The following CDYL variants were observed in gnomAD, a reference collection of about 807,000 sequenced individuals.
The protein encoded by CDYL is chromodomain Y-like protein.
CDYL carries 8 observed loss-of-function variants against 47.3 expected under a neutral mutation model. The ratio of observed to expected loss-of-function variants is 0.17; its 90% CI spans 0.10 to 0.31. The LOEUF is 0.31. Ranked by LOEUF, CDYL falls within the 10% of genes least tolerant of loss-of-function variation. CDYL has a pLI of 1.00. For missense variants in CDYL, 471 were observed against 701.4 expected (o/e 0.67, Z 3.71); for synonymous variants, 266 against 265.0 (o/e 1.00, Z -0.04).
At chr6:4,730,525 T>C (rs372079498) in intron 2 of CDYL, among the ~76,000 whole-genome samples, 1 of 151,748 alleles carries the variant, frequency 6.6e-6, no homozygotes, top group African/African-American at 2.4e-5. Flanking sequence ...AAATACAAAA[T>C]TAGCCTGGCG....
intron 2 of CDYL, among the ~76,000 whole-genome samples, chr6:4,910,947 C>G (rs925991866): frequency 6.6e-6 from 1 of 152,134 alleles, no homozygotes; most frequent in Non-Finnish European, 1.5e-5. Context: ...CATTCTCCTG[C>G]CTCAGCCTCC....
intron 2 of CDYL, among the ~76,000 whole-genome samples, chr6:4,894,916 T>C (rs1762163704): frequency 6.8e-6 from 1 of 147,664 alleles, no homozygotes; most frequent in African/African-American, 2.6e-5. Flanking sequence ...CGTGTGTATA[T>C]ATACACATAT....
intron 1 of CDYL, among the ~76,000 whole-genome samples, chr6:4,715,527 C>T (rs1757240309): frequency 6.6e-6 from 1 of 152,202 alleles, no homozygotes; most frequent in Non-Finnish European, 1.5e-5. Flanking sequence ...AGTTTGACTA[C>T]TTTAAACATT....
intron 1 of CDYL, among the ~76,000 whole-genome samples, chr6:4,856,363 A>G (rs1053111377): frequency 2.0e-5 from 3 of 152,172 alleles, no homozygotes; most frequent in African/African-American, 7.2e-5. Context: ...GGTCGGCCGG[A>G]TAGATAATTG....
chr6:4,792,727 C>T (rs115694683), intron 1 of CDYL, among the ~76,000 whole-genome samples: 2,742 of 152,196 alleles, frequency 0.018, 89 homozygotes, highest in African/African-American at 0.064. Context: ...TGAGCCACCG[C>T]GCCTGGCTTC....
chr6:4,759,902 A>C (rs1291800726), intron 3 of CDYL, among the ~76,000 whole-genome samples: 1 of 103,138 alleles, frequency 9.7e-6, no homozygotes, highest in Non-Finnish European at 1.9e-5. Flanking sequence ...AAAAAAAAAA[A>C]AAAAAAAAAA....
chr6:4,931,804 A>G (rs142250839), intron 2 of CDYL, among the ~76,000 whole-genome samples: 91 of 152,364 alleles, frequency 6.0e-4, no homozygotes, highest in African/African-American at 2.1e-3. Context: ...ACGAGGAGCC[A>G]ACACAGTTTT....
intron 1 of CDYL, among the ~76,000 whole-genome samples, chr6:4,820,724 G>A (rs1759810294): frequency 6.6e-6 from 1 of 152,214 alleles, no homozygotes; most frequent in South Asian, 2.1e-4. Flanking sequence ...TGAGTGCACT[G>A]GGAAGTGATT....
chr6:4,793,756 A>G (rs1287090462), intron 1 of CDYL, among the ~76,000 whole-genome samples: 4 of 151,910 alleles, frequency 2.6e-5, no homozygotes, highest in Non-Finnish European at 4.4e-5. Context: ...CATTTCGGGG[A>G]TATTTTGAAG....
At chr6:4,739,286 G>A (rs1757756014) in intron 3 of CDYL, among the ~76,000 whole-genome samples, 1 of 152,050 alleles carries the variant, frequency 6.6e-6, no homozygotes, top group African/African-American at 2.4e-5. Context: ...GGGAGGCTGA[G>A]GTGGGTGAAT....
intron 1 of CDYL, among the ~76,000 whole-genome samples, chr6:4,809,687 TA>T (rs1759470733): frequency 6.7e-6 from 1 of 150,188 alleles, no homozygotes; most frequent in Non-Finnish European, 1.5e-5. Context: ...TTTTGTATGG[TA>T]GGGGTATTAT....
chr6:4,942,915 C>T (rs995558521), intron 4 of CDYL, among the ~76,000 whole-genome samples: 13 of 152,194 alleles, frequency 8.5e-5, no homozygotes, highest in African/African-American at 2.9e-4. Flanking sequence ...TTCTTGTTTG[C>T]AGGTCGCATG....
chr6:4,758,968 CTT>C (rs753662724), intron 3 of CDYL, among the ~76,000 whole-genome samples: 13 of 131,904 alleles, frequency 9.9e-5, no homozygotes, highest in Non-Finnish European at 1.6e-4. Flanking sequence ...TTTTCTTTTT[CTT>C]TTTTTTTTTT....
intron 1 of CDYL, among the ~76,000 whole-genome samples, chr6:4,839,644 C>G (rs2127458206): frequency 6.6e-6 from 1 of 152,292 alleles, no homozygotes. Context: ...TGTGGCTTGC[C>G]AATTATCCCA....
chr6:4,950,378 G>T (rs1312351103), intron 5 of CDYL, among the ~76,000 whole-genome samples: 1 of 152,184 alleles, frequency 6.6e-6, no homozygotes, highest in Non-Finnish European at 1.5e-5. Context: ...CAGGGATGTG[G>T]CTGTAGTGTC....
At chr6:4,758,351 A>AAAAAATATATATATATATATATAT (rs1554134098) in intron 3 of CDYL, among the ~76,000 whole-genome samples, 29 of 129,080 alleles carry the variant, frequency 2.2e-4, no homozygotes, top group African/African-American at 7.6e-4. Flanking sequence ...AAAATAAATA[A>AAAAAATATATATATATATATATAT]ATATATATAT....
At chr6:4,947,878 A>AG (rs1294492487) in intron 5 of CDYL, among the ~76,000 whole-genome samples, 1 of 152,120 alleles carries the variant, frequency 6.6e-6, no homozygotes, top group African/African-American at 2.4e-5. Flanking sequence ...CCCTGGGAAG[A>AG]GCGGTCCATG....
At chr6:4,913,760 A>G (rs12195125) in intron 2 of CDYL, among the ~76,000 whole-genome samples, 6,430 of 152,336 alleles carry the variant, frequency 0.042, 172 homozygotes, top group Non-Finnish European at 0.065. Flanking sequence ...GACGGTCTCT[A>G]CTACTACTTA....
At chr6:4,710,901 A>G (rs1757140423) in intron 1 of CDYL, among the ~76,000 whole-genome samples, 1 of 134,870 alleles carries the variant, frequency 7.4e-6, no homozygotes, top group Admixed American at 8.2e-5. Context: ...AAGAGTGTAG[A>G]TTTCAGGTGT....
Sources: gnomAD v4.1 joint callset for allele counts (sites outside exome capture counted in the v4.1 genomes callset) on GRCh38, gnomAD v4.1.1 for gene constraint, MANE v1.5 for transcripts, NCBI Gene and HGNC (gene_info 2026-07-23, HGNC 2026-07-21) for gene names.